Variants in SMPD4 observed in about 807,000 individuals in gnomAD.
SMPD4 encodes neutral sphingomyelinase 3.
Under a neutral mutation model 97.8 loss-of-function variants are expected in SMPD4, and 58 were observed. The observed-to-expected ratio is 0.59, with a 90% CI of 0.48 to 0.74. The LOEUF (loss-of-function observed/expected upper bound fraction) is 0.74. Ranked by LOEUF, SMPD4 falls within the 30% of genes least tolerant of loss-of-function variation. SMPD4 has a pLI of 0.00. For synonymous variants in SMPD4, 388 were observed against 450.0 expected (o/e 0.86, Z 1.74); for missense variants, 853 against 1,080.5 (o/e 0.79, Z 2.95).
Position 130,180,336 on chromosome 2 carries a change from G to C in SMPD4, c.-46+1194C>G, listed in dbSNP as rs188643564. ...CGCACAGGCTGGAGTGCAGTGGCGC[G>C]ATCTCAGCTCACTGCAACCTCCGCC... On this transcript the variant is annotated intron_variant, in intron 1 of 19. Transcript: ENST00000680298. Among the ~76,000 whole-genome samples the C allele has an allele frequency of 1.6e-3, 238 of 151,426 alleles. 8 individuals carry two copies. In the East Asian group the frequency reaches 0.042, roughly 27 times the overall value.
At chr2:130,163,982 G>A (rs1379887583) in intron 10 of SMPD4, among the ~76,000 whole-genome samples, 1 of 152,178 alleles carries the variant, frequency 6.6e-6, no homozygotes, top group Non-Finnish European at 1.5e-5. Context: ...CCCCTTCATG[G>A]GAAAGCACAA....
Position 130,155,146 on chromosome 2 carries a change from C to G in SMPD4, c.1403G>C (p.Arg468Pro), listed in dbSNP as rs1448565614. Residue 468 changes from arginine to proline, a missense_variant, in exon 15 of 20, where the codon CGA (arginine) becomes CCA (proline). By Grantham distance (103) the Arg-to-Pro change is moderately radical. Coordinates refer to ENST00000680298, the MANE Select transcript of SMPD4 (RefSeq NM_017951.5). ...GGGCTGGGCAAAGACTTTGGCCACT[C>G]GGAACACCATGAGCGCGTGCTTGGG... ...VSPKHALMVFRVAKVFAQPNL... is the reference protein window; with the variant it reads ...VSPKHALMVFPVAKVFAQPNL... 1 of 1,614,192 alleles carries G rather than the reference C, an allele frequency of 6.2e-7. No individual in the cohort carries two copies. The highest frequency in any genetic ancestry group is 8.5e-7 in the Non-Finnish European group (1 of 1,180,046).
intron 10 of SMPD4, among the ~76,000 whole-genome samples, chr2:130,163,770 G>A (rs1238851162): frequency 6.6e-6 from 1 of 152,250 alleles, no homozygotes; most frequent in Non-Finnish European, 1.5e-5. Context: ...GAATGACCCA[G>A]GGCCTCCGCC....
chr2:130,171,080 T>C (rs1462167074), intron 8 of SMPD4, among the ~76,000 whole-genome samples: 2 of 150,138 alleles, frequency 1.3e-5, no homozygotes, highest in Non-Finnish European at 3.0e-5. Context: ...CAAAATAAAA[T>C]AAAATAAAAT....
Position 130,174,903 on chromosome 2 carries a change from C to G in SMPD4, c.126+11G>C, listed in dbSNP as rs1170758919. ...GACATGCTCCAAAGAGAGACGTTAG[C>G]AGAGCTATACCTTTGCTGGAAAGTC... On this transcript the variant is annotated intron_variant, in intron 3 of 19. Coordinates refer to ENST00000680298, the MANE Select transcript of SMPD4 (RefSeq NM_017951.5). 1 of 1,573,466 alleles carries G rather than the reference C, an allele frequency of 6.4e-7. No individual in the cohort carries two copies. The highest frequency in any genetic ancestry group is 1.7e-5 in the Admixed American group (1 of 59,504).
chr2:130,173,565 C>A lies in SMPD4; in HGVS notation c.218G>T (p.Gly73Val). 6.2e-7 allele frequency: 1 copy of A among 1,613,678 alleles called. No homozygotes were observed. The highest frequency in any genetic ancestry group is 1.1e-5 in the South Asian group (1 of 91,056). ...LVGWNLRCLQ[G>V]RVNPVEYSIV... ...GCTGTACTCCACAGGATTCACGCGC[C>A]CCTGTAAGCAGCGGAGGTTCCAGCC... The change falls in exon 4 of 20, where the codon GGG (glycine) becomes GTG (valine). Residue 73 changes from glycine (G) to valine (V), a missense_variant. By Grantham distance (109) the Gly-to-Val change is moderately radical. Coordinates refer to ENST00000680298, the MANE Select transcript of SMPD4 (RefSeq NM_017951.5).
chr2:130,160,091 C>T (rs1009182966), intron 11 of SMPD4, among the ~76,000 whole-genome samples: 2 of 152,122 alleles, frequency 1.3e-5, no homozygotes, highest in African/African-American at 4.8e-5. Flanking sequence ...GGATGTGTCC[C>T]CAAAGCCGCA....
At chr2:130,167,404 G>A (rs1384314881) in intron 9 of SMPD4, 54 bp downstream of exon 9, 12 of 1,609,736 alleles carry the variant, frequency 7.5e-6, no homozygotes, top group Middle Eastern at 2.2e-4. Context: ...TTATAGGCAC[G>A]AGCCACCATG....
At chr2:130,173,389 G>A in intron 4 of SMPD4, 35 bp from the exon 5 acceptor site, 1 of 1,607,590 alleles carries the variant, frequency 6.2e-7, no homozygotes, top group East Asian at 2.2e-5. Flanking sequence ...ACAAAAACAG[G>A]GCAAATGAAC....
At chr2:130,168,426 A>G (rs1688130074) in intron 8 of SMPD4, among the ~76,000 whole-genome samples, 1 of 152,208 alleles carries the variant, frequency 6.6e-6, no homozygotes, top group Admixed American at 6.5e-5. Context: ...CCCTGTCTGC[A>G]AATAAAATCA....
At chr2:130,160,898 T>G (rs958347968) in intron 11 of SMPD4, among the ~76,000 whole-genome samples, 4 of 152,088 alleles carry the variant, frequency 2.6e-5, no homozygotes, top group African/African-American at 9.7e-5. Context: ...CCTCCAACAC[T>G]GGAGAGCTTG....
At chr2:130,154,247 C>T in intron 16 of SMPD4, 30 bp downstream of exon 16, 3 of 1,556,894 alleles carry the variant, frequency 1.9e-6, no homozygotes, top group Non-Finnish European at 2.6e-6. Context: ...CTCCAGGGGC[C>T]CTGAGGACAG....
Position 130,161,245 on chromosome 2 carries a change from C to G in SMPD4, c.892G>C (p.Val298Leu). The G allele has an allele frequency of 6.2e-7, 1 of 1,613,952 alleles. No individual in the cohort carries two copies. Among genetic ancestry groups the G allele is most frequent in the Non-Finnish European group, 8.5e-7 (1 of 1,179,988 alleles). The change falls in exon 11 of 20, where the codon GTC becomes CTC. Residue 298 changes from valine (V) to leucine (L), a missense_variant. Physicochemically the swap from Val to Leu is conservative, Grantham distance 32. Around this residue, in one of 3 missense-constraint regions of SMPD4, gnomAD observed 313 missense variants for 402.2 expected, o/e 0.78. Transcript: ENST00000680298. ...GCGGGGCTGTAGAGGGCGCTGGAGA[C>G]ACTGAGTCGGTAGTGCAGAACCTCC... ...KLEVLHYRLS[V>L]SSALYSPAQP...
Position 130,156,156 on chromosome 2 carries a change from A to G in SMPD4, c.1189-21T>C, listed in dbSNP as rs573340501. 975 of 1,590,196 alleles carry G rather than the reference A, an allele frequency of 6.1e-4. 3 individuals are homozygous for G. The Middle Eastern group carries it at 7.6e-3, about 12-fold the overall frequency. Reference sequence around the variant, plus strand: ...AGGACCTGTGGGGGAGGTGTGTGCTAAGGGCTCCGTGGCTGGGGGCCAAAT... The same window carrying G: ...AGGACCTGTGGGGGAGGTGTGTGCTGAGGGCTCCGTGGCTGGGGGCCAAAT... On this transcript the variant is annotated intron_variant, in intron 13 of 19. Coordinates refer to ENST00000680298, the MANE Select transcript of SMPD4 (RefSeq NM_017951.5).
chr2:130,165,996 A>G (rs995935365), intron 9 of SMPD4, among the ~76,000 whole-genome samples: 2 of 152,120 alleles, frequency 1.3e-5, no homozygotes, highest in Admixed American at 6.5e-5. Flanking sequence ...CATGTTATAT[A>G]TATCTTATAA....
At chr2:130,154,213 C>T (rs1421158496) in intron 16 of SMPD4, 64 bp downstream of exon 16, 9 of 1,497,238 alleles carry the variant, frequency 6.0e-6, no homozygotes, top group Non-Finnish European at 8.0e-6. Context: ...CACAGCACTT[C>T]CCGGGTTCTG....
chr2:130,179,126 T>A (rs1416125671), intron 1 of SMPD4, among the ~76,000 whole-genome samples: 2 of 150,118 alleles, frequency 1.3e-5, no homozygotes, highest in African/African-American at 4.9e-5. Flanking sequence ...TCAATTCTTT[T>A]TTTTTTTTTT....
chr2:130,180,311 CGCACAG>C (rs1689427560), intron 1 of SMPD4, among the ~76,000 whole-genome samples: 1 of 151,648 alleles, frequency 6.6e-6, no homozygotes, highest in Non-Finnish European at 1.5e-5. Flanking sequence ...TGGGCTCTGT[CGCACAG>C]GCTGGAGTGC....
rs187298135 is a variant in SMPD4, at chr2:130,172,131, T to C, written c.659+218A>G. 4.2e-3 allele frequency among the ~76,000 whole-genome samples: 647 copies of C among 152,300 alleles called. 3 individuals are homozygous for C. Among genetic ancestry groups the C allele is most frequent in the African/African-American group, 8.7e-3 (362 of 41,574 alleles). On this transcript the variant is annotated intron_variant, in intron 8 of 19. Transcript: ENST00000680298. The stretch of plus-strand genomic sequence containing the variant: ...GCCGTGGAGGCCTCCAGGGACCTGA[T>C]AGCTTCAGTGATGGCCAAAGACACT...
Sources: gnomAD v4.1 joint callset for allele counts (sites outside exome capture counted in the v4.1 genomes callset) on GRCh38, gnomAD v4.1.1 for gene constraint, gnomAD v4.1.1 regional missense constraint, MANE v1.5 for transcripts, NCBI Gene and HGNC (gene_info 2026-07-23, HGNC 2026-07-21) for gene names.